PHKB: variants seen among roughly 807,000 people sequenced by gnomAD.
The protein encoded by PHKB is phosphorylase kinase regulatory subunit beta.
Under a neutral mutation model 152.1 loss-of-function variants are expected in PHKB, and 122 were observed. That is an observed-to-expected ratio of 0.80 (90% CI 0.69 to 0.93). The LOEUF is 0.93. PHKB is among the 40% of genes least tolerant of loss of function. The pLI, the probability that PHKB is intolerant of heterozygous loss-of-function variation, is 0.00. For missense variants in PHKB, 1,304 were observed against 1,328.4 expected (o/e 0.98, Z 0.29); for synonymous variants, 436 against 464.9 (o/e 0.94, Z 0.80).
intron 7 of PHKB, chr16:47,567,015 C>A: frequency 5.0e-6 from 2 of 399,314 alleles, no homozygotes; most frequent in Non-Finnish European, 9.1e-6. Context: ...AATTTTAAGT[C>A]AGGTAATGTG....
chr16:47,497,122 T>C (rs1388411556), intron 1 of PHKB, among the ~76,000 whole-genome samples: 1 of 152,184 alleles, frequency 6.6e-6, no homozygotes, highest in Non-Finnish European at 1.5e-5. Context: ...GACACTTAGT[T>C]GTTTGGACCA....
chr16:47,621,663 G>A (rs1972620102), intron 14 of PHKB, among the ~76,000 whole-genome samples: 1 of 152,132 alleles, frequency 6.6e-6, no homozygotes, highest in Admixed American at 6.5e-5. Flanking sequence ...CCCAAGCATG[G>A]GAGTGAATTT....
At chr16:47,463,384 G>A (rs1041001082) in intron 1 of PHKB, 1 of 158,118 alleles carries the variant, frequency 6.3e-6, no homozygotes, top group Non-Finnish European at 1.4e-5. Context: ...ACCACTTGAA[G>A]TTATTCCTCC....
chr16:47,476,952 T>A (rs1969879227), intron 1 of PHKB, among the ~76,000 whole-genome samples: 1 of 152,188 alleles, frequency 6.6e-6, no homozygotes, highest in Non-Finnish European at 1.5e-5. Flanking sequence ...GCCTCCTGTC[T>A]TCCTCACATT....
At chr16:47,562,602 A>G (rs760174282) in intron 7 of PHKB, 2 of 152,248 alleles carry the variant, frequency 1.3e-5, no homozygotes, top group Non-Finnish European at 2.9e-5. Flanking sequence ...ACATGCTAAC[A>G]GTCATCTGAA....
intron 7 of PHKB, among the ~76,000 whole-genome samples, chr16:47,575,274 C>G (rs12929059): frequency 0.021 from 3,261 of 152,246 alleles, 40 homozygotes; most frequent in Middle Eastern, 0.041. Flanking sequence ...AACACAACCT[C>G]TATGGAAAAC....
chr16:47,463,066 G>C (rs886758556), intron 1 of PHKB: 1 of 152,604 alleles, frequency 6.6e-6, no homozygotes, highest in Non-Finnish European at 1.5e-5. Flanking sequence ...GGTTATGTCT[G>C]AACAAAGAGA....
intron 6 of PHKB, among the ~76,000 whole-genome samples, chr16:47,541,683 G>A (rs1370752259): frequency 6.6e-6 from 1 of 152,232 alleles, no homozygotes; most frequent in Non-Finnish European, 1.5e-5. Context: ...TTTAATGATT[G>A]CCATTCTAAC....
intron 14 of PHKB, among the ~76,000 whole-genome samples, chr16:47,628,970 A>G (rs570391685): frequency 2.3e-3 from 345 of 152,304 alleles, no homozygotes; most frequent in Middle Eastern, 0.014. Flanking sequence ...GGCTAGCCAT[A>G]TGTAGAAAGC....
chr16:47,649,134 A>C lies in PHKB; in HGVS notation c.1727A>C (p.Tyr576Ser). ...YRILGKTVVC[Y>S]PIIFDLSDFY... ...ATTCTAGGAAAGACTGTGGTTTGTT[A>C]CCCGATTATTTTCGACCTAAGTGAT... The change falls in exon 18 of 31, where the codon TAC becomes TCC. Residue 576 changes from tyrosine to serine, a missense_variant. Tyr to Ser is a moderately radical substitution (Grantham distance 144, BLOSUM62 -2). Transcript: ENST00000323584. 6.2e-7 allele frequency: 1 copy of C among 1,609,542 alleles called. No homozygotes were observed. The highest frequency in any genetic ancestry group is 1.1e-5 in the South Asian group (1 of 90,992).
At chr16:47,663,083 G>T (rs544047584) in intron 23 of PHKB, among the ~76,000 whole-genome samples, 2 of 152,126 alleles carry the variant, frequency 1.3e-5, no homozygotes, top group Non-Finnish European at 2.9e-5. Context: ...TTAAAAGGCT[G>T]TAAAAAGTTT....
intron 1 of PHKB, among the ~76,000 whole-genome samples, chr16:47,486,544 AT>A (rs1175103010): frequency 6.6e-6 from 1 of 152,156 alleles, no homozygotes; most frequent in Non-Finnish European, 1.5e-5. Context: ...TGCCTTAATA[AT>A]TTACTTAATA....
rs190548854 is a variant in PHKB, at chr16:47,603,671, T to C, written c.1363+7140T>C. ...GGTGCTCACCACCACGCCCGGCTAA[T>C]TTTTTGTATTTTTATTGGAGGCGGG... On this transcript the variant is annotated intron_variant, in intron 13 of 30. Transcript: ENST00000323584. Among the ~76,000 whole-genome samples, 636 of 152,066 alleles carry C rather than the reference T, an allele frequency of 4.2e-3. 6 individuals carry two copies. The highest frequency in any genetic ancestry group is 0.015 in the African/African-American group (606 of 41,490).
At chr16:47,523,662 A>C (rs1214760806) in intron 6 of PHKB, among the ~76,000 whole-genome samples, 1 of 152,162 alleles carries the variant, frequency 6.6e-6, no homozygotes, top group Admixed American at 6.5e-5. Context: ...ACTTTCCAGG[A>C]ATATGTTGGA....
intron 7 of PHKB, among the ~76,000 whole-genome samples, chr16:47,573,011 G>T (rs1971688831): frequency 6.6e-6 from 1 of 152,070 alleles, no homozygotes; most frequent in South Asian, 2.1e-4. Flanking sequence ...GCACCATACT[G>T]GATGCGTACC....
intron 14 of PHKB, among the ~76,000 whole-genome samples, chr16:47,633,010 A>C (rs564579614): frequency 6.6e-6 from 1 of 152,348 alleles, no homozygotes; most frequent in African/African-American, 2.4e-5. Context: ...CCGTACACTT[A>C]AAAATGGTTA....
chr16:47,600,801 T>A (rs1972209771), intron 13 of PHKB, among the ~76,000 whole-genome samples: 1 of 152,226 alleles, frequency 6.6e-6, no homozygotes, highest in Non-Finnish European at 1.5e-5. Context: ...AGTATTGTAA[T>A]CTTATGGGAC....
At chr16:47,463,697 C>G in intron 1 of PHKB, 3 of 537,304 alleles carry the variant, frequency 5.6e-6, no homozygotes, top group Non-Finnish European at 1.0e-5. Context: ...TAGTTTCTAT[C>G]TCATCCATAT....
intron 26 of PHKB, among the ~76,000 whole-genome samples, chr16:47,688,402 ATTAT>A (rs1266113371): frequency 6.6e-6 from 1 of 152,226 alleles, no homozygotes; most frequent in East Asian, 1.9e-4. Context: ...TCCTCAAAAA[ATTAT>A]TTACACATAA....
Sources: allele counts gnomAD v4.1 joint callset (sites outside exome capture counted in the v4.1 genomes callset), GRCh38; gene constraint gnomAD v4.1.1; transcripts MANE v1.5; gene names NCBI Gene and HGNC (gene_info 2026-07-23, HGNC 2026-07-21).